The following GRID2 variants were observed in gnomAD, a reference collection of about 807,000 sequenced individuals.
GRID2 encodes the protein glutamate ionotropic receptor delta type subunit 2, also known as glutamate receptor ionotropic, delta-2.
In GRID2, 33 loss-of-function variants were observed where a neutral mutation model predicts 114.8. The ratio of observed to expected loss-of-function variants is 0.29; its 90% CI spans 0.22 to 0.38. The LOEUF (loss-of-function observed/expected upper bound fraction) is 0.38. GRID2 is among the 10% of genes least tolerant of loss of function. The pLI is 1.00. For missense variants in GRID2, 1,184 were observed against 1,257.7 expected (o/e 0.94, Z 0.89); for synonymous variants, 505 against 449.9 (o/e 1.12, Z -1.55).
intron 2 of GRID2, among the ~76,000 whole-genome samples, chr4:92,712,066 G>A (rs937140581): frequency 1.3e-5 from 2 of 152,080 alleles, no homozygotes; most frequent in Non-Finnish European, 2.9e-5. Flanking sequence ...TGATCATGAC[G>A]GCCGTATTAG....
chr4:92,448,858 A>G (rs1162367597), intron 1 of GRID2, among the ~76,000 whole-genome samples: 3 of 152,218 alleles, frequency 2.0e-5, no homozygotes, highest in Admixed American at 2.0e-4. Flanking sequence ...ATAAAAATCA[A>G]TTTCAATCTC....
chr4:92,642,577 A>G (rs1337648492), intron 2 of GRID2, among the ~76,000 whole-genome samples: 1 of 151,622 alleles, frequency 6.6e-6, no homozygotes, highest in African/African-American at 2.4e-5. Flanking sequence ...CTTGTTCCGT[A>G]GGTTGTCTGT....
intron 2 of GRID2, among the ~76,000 whole-genome samples, chr4:92,756,383 G>A (rs752125426): frequency 4.6e-5 from 7 of 152,072 alleles, no homozygotes; most frequent in Non-Finnish European, 1.0e-4. Context: ...TTGCTATTGC[G>A]TAGTGCCGCA....
chr4:92,837,661 CAG>C (rs1383741073), intron 2 of GRID2, among the ~76,000 whole-genome samples: 5 of 151,946 alleles, frequency 3.3e-5, no homozygotes, highest in Non-Finnish European at 7.4e-5. Context: ...CTTTTATAAT[CAG>C]AAGTTAATTT....
chr4:92,870,740 A>T (rs919314832), intron 2 of GRID2, among the ~76,000 whole-genome samples: 2 of 152,124 alleles, frequency 1.3e-5, no homozygotes, highest in Non-Finnish European at 2.9e-5. Flanking sequence ...TGATAAAAGA[A>T]AAAAATAGCA....
intron 1 of GRID2, among the ~76,000 whole-genome samples, chr4:92,483,655 G>C (rs1388044123): frequency 6.6e-6 from 1 of 152,142 alleles, no homozygotes; most frequent in African/African-American, 2.4e-5. Context: ...TCAGATGTCT[G>C]GAGAATAGGA....
chr4:92,735,189 C>T lies in GRID2; in HGVS notation c.244+144903C>T, dbSNP rs1373015157. Among the ~76,000 whole-genome samples, 9 of 151,946 alleles carry T rather than the reference C, an allele frequency of 5.9e-5. No homozygotes were observed. In the East Asian group the frequency reaches 1.2e-3, roughly 20 times the overall value. The stretch of plus-strand genomic sequence containing the variant: ...TGATATTAATCTCATATTAATGTTC[C>T]ATGGAATAATACAGTGGTCCTTTCC... On this transcript the variant is annotated intron_variant, in intron 2 of 15. Transcript: ENST00000282020.
intron 2 of GRID2, among the ~76,000 whole-genome samples, chr4:92,686,599 C>G (rs1370582864): frequency 6.6e-6 from 1 of 152,056 alleles, no homozygotes; most frequent in Non-Finnish European, 1.5e-5. Context: ...GCTGTAAAAA[C>G]AACTGATCAT....
intron 13 of GRID2, among the ~76,000 whole-genome samples, chr4:93,594,517 G>T (rs1738819052): frequency 6.6e-6 from 1 of 152,100 alleles, no homozygotes; most frequent in Admixed American, 6.5e-5. Context: ...GTTTGTCTGT[G>T]CCCTGCCCCC....
chr4:92,640,104 A>C (rs1218500415), intron 2 of GRID2, among the ~76,000 whole-genome samples: 1 of 151,782 alleles, frequency 6.6e-6, no homozygotes, highest in Non-Finnish European at 1.5e-5. Context: ...TCCTCAAATA[A>C]AATTAGCTAC....
Position 93,207,404 on chromosome 4 carries a change from G to A in GRID2, c.736G>A (p.Val246Ile). The change falls in exon 5 of 16, where the codon GTT becomes ATT. Residue 246 changes from valine (V) to isoleucine (I), a missense_variant and splice_region_variant. Physicochemically the swap from Val to Ile is conservative, Grantham distance 29. Around this residue, in one of 3 missense-constraint regions of GRID2, gnomAD observed 455 missense variants for 429.5 expected, o/e 1.06. Coordinates refer to ENST00000282020, the MANE Select transcript of GRID2 (RefSeq NM_001510.4). ...ATAGCTGATTTGTTTTCTATTCTAG[G>A]TTGTGGAGACTAATTTGGTTGCTTT... ...PATAKSFITE[V>I]VETNLVAFDC... is the part of the protein sequence containing the mutation. 1 of 1,594,658 alleles carries A rather than the reference G, an allele frequency of 6.3e-7. No individual in the cohort carries two copies. Among genetic ancestry groups the A allele is most frequent in the Non-Finnish European group, 8.6e-7 (1 of 1,162,968 alleles).
intron 1 of GRID2, among the ~76,000 whole-genome samples, chr4:92,326,585 A>G (rs1726609432): frequency 6.6e-6 from 1 of 151,960 alleles, no homozygotes; most frequent in South Asian, 2.1e-4. Flanking sequence ...AAAATGATTT[A>G]TTACTTGTTA....
At chr4:92,548,102 T>A (rs144249647) in intron 1 of GRID2, among the ~76,000 whole-genome samples, 71 of 152,222 alleles carry the variant, frequency 4.7e-4, no homozygotes, top group African/African-American at 1.6e-3. Context: ...AATAATATAA[T>A]ACTCTGAAGT....
chr4:93,506,889 A>C (rs1355023609), intron 12 of GRID2, among the ~76,000 whole-genome samples: 2 of 152,154 alleles, frequency 1.3e-5, no homozygotes, highest in Non-Finnish European at 2.9e-5. Context: ...CCATAACAGG[A>C]AGGAAGACAC....
intron 2 of GRID2, among the ~76,000 whole-genome samples, chr4:93,068,541 T>C (rs1162021305): frequency 6.6e-6 from 1 of 152,096 alleles, no homozygotes; most frequent in African/African-American, 2.4e-5. Context: ...TATGTCATAG[T>C]AGATGTAATC....
intron 1 of GRID2, among the ~76,000 whole-genome samples, chr4:92,448,709 T>C (rs547825106): frequency 6.6e-6 from 1 of 152,178 alleles, no homozygotes; most frequent in South Asian, 2.1e-4. Flanking sequence ...CATGAAAAAT[T>C]CCAAAAATTT....
chr4:92,317,988 A>G (rs1726086521), intron 1 of GRID2, among the ~76,000 whole-genome samples: 2 of 152,186 alleles, frequency 1.3e-5, no homozygotes, highest in South Asian at 4.1e-4. Context: ...ATAATTATGT[A>G]TAAACTGGGT....
At chr4:93,424,708 A>T (rs1397492647) in intron 10 of GRID2, among the ~76,000 whole-genome samples, 1 of 152,082 alleles carries the variant, frequency 6.6e-6, no homozygotes, top group Non-Finnish European at 1.5e-5. Flanking sequence ...AACTTCTGGG[A>T]TAGGTTACAT....
At chr4:92,837,059 A>C (rs1229153981) in intron 2 of GRID2, among the ~76,000 whole-genome samples, 3 of 152,058 alleles carry the variant, frequency 2.0e-5, no homozygotes, top group Non-Finnish European at 4.4e-5. Flanking sequence ...GAGTATTGCC[A>C]AGGAAGTGCT....
Sources: allele counts gnomAD v4.1 joint callset (sites outside exome capture counted in the v4.1 genomes callset), GRCh38; gene constraint gnomAD v4.1.1; regional missense constraint gnomAD v4.1.1; transcripts MANE v1.5; gene names NCBI Gene and HGNC (gene_info 2026-07-23, HGNC 2026-07-21).